TNFRSF10B: variants seen among roughly 807,000 people sequenced by gnomAD.
TNFRSF10B encodes tumor necrosis factor receptor superfamily member 10B.
TNFRSF10B carries 35 observed loss-of-function variants against 41.4 expected under a neutral mutation model. That is an observed-to-expected ratio of 0.85 (90% confidence interval 0.65 to 1.12). TNFRSF10B has a LOEUF of 1.12. Among genes scored for constraint, TNFRSF10B ranks in the 50% most tolerant of loss-of-function variants. TNFRSF10B has a pLI of 0.00. For synonymous variants in TNFRSF10B, 230 were observed against 215.5 expected, an observed-to-expected ratio of 1.07 and a Z score of -0.59; for missense variants, 584 against 552.7, an observed-to-expected ratio of 1.06 and a Z score of -0.57.
rs991326131 is a variant in TNFRSF10B at position 23,021,996 on chromosome 8, C to T, written c.*675G>A. ...AGGTAAGGCCAAGCATGGGGGCTCA[C>T]GCCTCTAATTCCACCGCTTTGGGAG... On this transcript the variant is annotated 3_prime_UTR_variant, in exon 9 of 9. Transcript: ENST00000276431. 3.5e-5 allele frequency: 16 copies of T among 451,962 alleles called. No homozygotes were observed. Among genetic ancestry groups the T allele is most frequent in the Admixed American group, 1.4e-4 (6 of 42,466 alleles). 28.0% of individuals were successfully genotyped at this position (451,962 alleles called of 1,614,324 possible). A position where few individuals can be genotyped will look rare whatever the true frequency, so the allele number is the denominator to read the frequency against.
At chr8:23,023,125 C>T (rs1811590880) in intron 8 of TNFRSF10B, 141 bp from the exon 9 acceptor site, 1 of 1,090,616 alleles carries the variant, frequency 9.2e-7, no homozygotes, top group Admixed American at 2.0e-5. Flanking sequence ...TGCCCACCCG[C>T]TTCCCATCCA....
In TNFRSF10B at chr8:23,022,459, CCTT is replaced by C. The variant is rs1811562522; in HGVS notation, c.*209_*211del. On this transcript the variant is annotated 3_prime_UTR_variant, in exon 9 of 9. Coordinates refer to ENST00000276431, the MANE Select transcript of TNFRSF10B (RefSeq NM_003842.5). ...AATGATCCAGACATTTCCATAGTGTCCTTATTATCACATTCAGCTTATAAAAAT... is the reference window on the plus strand; with the variant it reads ...AATGATCCAGACATTTCCATAGTGTCATTATCACATTCAGCTTATAAAAAT... 1 of 682,316 alleles carries C rather than the reference CCTT, an allele frequency of 1.5e-6. No homozygotes were observed. The highest frequency in any genetic ancestry group is 1.8e-5 in the African/African-American group (1 of 56,806). 42.3% of individuals were successfully genotyped at this position (682,316 alleles called of 1,614,324 possible).
intron 1 of TNFRSF10B, 58 bp downstream of exon 1, chr8:23,068,693 G>A: frequency 6.5e-7 from 1 of 1,540,614 alleles, no homozygotes; most frequent in Admixed American, 2.0e-5. Flanking sequence ...CTCTCTCCCT[G>A]CCCTCTCCAG....
chr8:23,022,594 C>T lies in TNFRSF10B; in HGVS notation c.*77G>A, dbSNP rs575936687. 1.9e-4 allele frequency: 289 copies of T among 1,519,682 alleles called. No individual in the cohort carries two copies. The African/African-American group carries it at 3.7e-3, about 19-fold the overall frequency. 94.1% of individuals were successfully genotyped at this position (1,519,682 alleles called of 1,614,324 possible). The stretch of plus-strand genomic sequence containing the variant: ...ATGTGACAATTGTGGCACTTTCCTA[C>T]TGACTGGAGTCCAGTTGGGCTTTTT... On this transcript the variant is annotated 3_prime_UTR_variant, in exon 9 of 9. Coordinates refer to ENST00000276431, the MANE Select transcript of TNFRSF10B (RefSeq NM_003842.5).
chr8:23,023,088 C>A, intron 8 of TNFRSF10B, 104 bp from the exon 9 acceptor site: 1 of 1,431,892 alleles, frequency 7.0e-7, no homozygotes, highest in South Asian at 1.2e-5. Flanking sequence ...TGGAGAGCCC[C>A]GTGTGCGGGC....
intron 2 of TNFRSF10B, among the ~76,000 whole-genome samples, chr8:23,039,722 C>A (rs566479341): frequency 4.6e-5 from 7 of 152,098 alleles, no homozygotes; most frequent in African/African-American, 1.4e-4. Flanking sequence ...TTAAGATCGA[C>A]GTCAGTGGTC....
intron 1 of TNFRSF10B, among the ~76,000 whole-genome samples, chr8:23,063,058 C>T (rs1321712617): frequency 6.6e-6 from 1 of 152,090 alleles, no homozygotes; most frequent in African/African-American, 2.4e-5. Flanking sequence ...CCTTAAGATC[C>T]ATGTTCCCAG....
chr8:23,021,986 T>C lies in TNFRSF10B; in HGVS notation c.*685A>G. 2.2e-6 allele frequency: 1 copy of C among 452,160 alleles called. No homozygotes were observed. Among genetic ancestry groups the C allele is most frequent in the South Asian group, 1.6e-5 (1 of 64,316 alleles). 28.0% of individuals were successfully genotyped at this position (452,160 alleles called of 1,614,324 possible). On this transcript the variant is annotated 3_prime_UTR_variant, in exon 9 of 9. Transcript: ENST00000276431. ...AAAAGTAGAAAGGTAAGGCCAAGCA[T>C]GGGGGCTCACGCCTCTAATTCCACC...
Position 23,040,540 on chromosome 8 carries a change from G to A in TNFRSF10B, c.250+2598C>T, listed in dbSNP as rs1014053488. On this transcript the variant is annotated intron_variant, in intron 2 of 8. Transcript: ENST00000276431. Reference sequence around the variant, plus strand: ...GAAAAGAAAAGAAGTGAGTGAAAATGGTACATGCCAAGAAATAAACTAAAG... The same window carrying A: ...GAAAAGAAAAGAAGTGAGTGAAAATAGTACATGCCAAGAAATAAACTAAAG... 5.4e-5 allele frequency among the ~76,000 whole-genome samples: 8 copies of A among 148,672 alleles called. No homozygotes were observed. In the East Asian group the frequency reaches 1.6e-3, roughly 29 times the overall value.
chr8:23,028,224 G>A (rs1811768505), intron 5 of TNFRSF10B, 107 bp downstream of exon 5: 6 of 1,501,202 alleles, frequency 4.0e-6, no homozygotes, highest in South Asian at 2.3e-5. Context: ...AGCCAGGCTG[G>A]AGGCACTTAG....
intron 1 of TNFRSF10B, among the ~76,000 whole-genome samples, chr8:23,056,650 C>CAA (rs36035737): frequency 0.011 from 1,362 of 122,684 alleles, 31 homozygotes; most frequent in African/African-American, 0.037. Context: ...GACTCCATCT[C>CAA]AAAAAAAAAA....
At chr8:23,027,395 C>A in intron 6 of TNFRSF10B, 107 bp from the exon 7 acceptor site, 1 of 1,411,916 alleles carries the variant, frequency 7.1e-7, no homozygotes. Flanking sequence ...CACCCCCTCT[C>A]AGTGAGGTCA....
chr8:23,035,954 G>A (rs552853164), intron 2 of TNFRSF10B, among the ~76,000 whole-genome samples: 6 of 152,310 alleles, frequency 3.9e-5, no homozygotes, highest in African/African-American at 1.2e-4. Flanking sequence ...TGGGCCATAC[G>A]ACCCAGCAGA....
At chr8:23,032,428 G>A (rs928450862) in intron 2 of TNFRSF10B, among the ~76,000 whole-genome samples, 4 of 152,208 alleles carry the variant, frequency 2.6e-5, no homozygotes, top group African/African-American at 7.2e-5. Context: ...AGCTGCCCTG[G>A]AATGAGGATA....
chr8:23,041,437 T>C (rs995548479), intron 2 of TNFRSF10B, among the ~76,000 whole-genome samples: 1 of 151,872 alleles, frequency 6.6e-6, no homozygotes, highest in Non-Finnish European at 1.5e-5. Context: ...AAGGCCGAGG[T>C]GAGAGGATCG....
chr8:23,045,058 T>TAAAA (rs1812315082), intron 1 of TNFRSF10B, among the ~76,000 whole-genome samples: 2 of 10,214 alleles, frequency 2.0e-4, no homozygotes, highest in Non-Finnish European at 1.9e-4. Flanking sequence ...CCTAATAAAA[T>TAAAA]ACAAAAAAAA....
intron 2 of TNFRSF10B, among the ~76,000 whole-genome samples, chr8:23,037,253 G>C (rs1450634372): frequency 6.6e-6 from 1 of 152,148 alleles, no homozygotes. Flanking sequence ...TGGAGGTTAT[G>C]TATGGGCTTA....
chr8:23,067,414 A>C (rs1379505527), intron 1 of TNFRSF10B, among the ~76,000 whole-genome samples: 2 of 151,768 alleles, frequency 1.3e-5, no homozygotes, highest in African/African-American at 4.9e-5. Flanking sequence ...GAAAGTCTAA[A>C]GCCAAAAATC....
At chr8:23,059,334 T>A (rs915077068) in intron 1 of TNFRSF10B, among the ~76,000 whole-genome samples, 3 of 152,238 alleles carry the variant, frequency 2.0e-5, no homozygotes, top group African/African-American at 7.2e-5. Flanking sequence ...TGCTTTCAAT[T>A]CTTTTGGACG....
Sources: gnomAD v4.1 joint callset for allele counts (sites outside exome capture counted in the v4.1 genomes callset) on GRCh38, gnomAD v4.1.1 for gene constraint, MANE v1.5 for transcripts, NCBI Gene and HGNC (gene_info 2026-07-23, HGNC 2026-07-21) for gene names.